ATP2B2: variants seen among roughly 807,000 people sequenced by gnomAD.
The protein encoded by ATP2B2 is ATPase plasma membrane Ca2+ transporting 2, also known as plasma membrane calcium-transporting ATPase 2.
In ATP2B2, 15 loss-of-function variants were observed where a neutral mutation model predicts 120.0. That is an observed-to-expected ratio of 0.12 (90% CI 0.08 to 0.19). The LOEUF (loss-of-function observed/expected upper bound fraction) is 0.19, where lower values mean the gene tolerates loss of function less well. ATP2B2 is among the 10% of genes least tolerant of loss of function. ATP2B2 has a pLI of 1.00. For missense variants in ATP2B2, 1,045 were observed against 1,719.8 expected (o/e 0.61, Z 6.94); for synonymous variants, 694 against 700.3 (o/e 0.99, Z 0.14).
chr3:10,481,343 A>G (rs2065403770), intron 1 of ATP2B2, among the ~76,000 whole-genome samples: 1 of 150,030 alleles, frequency 6.7e-6, no homozygotes, highest in South Asian at 2.1e-4. Context: ...GCACACCAGC[A>G]TACTCCACCT....
In ATP2B2 at chr3:10,360,093, G is replaced by C. The variant is rs760088594; in HGVS notation, c.1690C>G (p.Gln564Glu). ...PPEKEGALPR[Q>E]VGNKTECGLL... ...CCGCACTCCGTCTTGTTGCCCACCTGCCGAGGCAGGGCGCCCTCCTTCTCT... is the reference window on the plus strand; with the variant it reads ...CCGCACTCCGTCTTGTTGCCCACCTCCCGAGGCAGGGCGCCCTCCTTCTCT... Residue 564 changes from glutamine (Q) to glutamate (E), a missense_variant, in exon 13 of 23, where the codon CAG becomes GAG. Around this residue, in one of 11 missense-constraint regions of ATP2B2, gnomAD observed 343 missense variants for 536.8 expected, o/e 0.64. Coordinates refer to ENST00000360273, the MANE Select transcript of ATP2B2 (RefSeq NM_001001331.4). The C allele has an allele frequency of 5.6e-6, 9 of 1,602,322 alleles. No individual in the cohort carries two copies. The South Asian group carries it at 8.8e-5, about 16-fold the overall frequency.
chr3:10,510,709 T>A (rs942102845), intron 3 of ATP2B2, among the ~76,000 whole-genome samples: 2 of 152,210 alleles, frequency 1.3e-5, no homozygotes, highest in Non-Finnish European at 2.9e-5. Flanking sequence ...GTGCCTTTCC[T>A]CCTGGAAGAA....
At chr3:10,695,587 G>T (rs1344275725) in intron 1 of ATP2B2, among the ~76,000 whole-genome samples, 1 of 152,126 alleles carries the variant, frequency 6.6e-6, no homozygotes, top group South Asian at 2.1e-4. Flanking sequence ...ATAGAGTAAA[G>T]GAGAGTTGTC....
chr3:10,545,567 A>G (rs2067528063), intron 2 of ATP2B2, among the ~76,000 whole-genome samples: 1 of 151,948 alleles, frequency 6.6e-6, no homozygotes, highest in Non-Finnish European at 1.5e-5. Flanking sequence ...ATAAAAACAA[A>G]ACAAAATTTA....
Position 10,402,006 on chromosome 3 carries a change from A to C in ATP2B2, c.655+85T>G. The C allele has an allele frequency of 6.3e-7, 1 of 1,596,592 alleles. No individual in the cohort carries two copies. ...CTTCAGGAATGCATCCCCTTCCTTGAGCCAATCTCTTTGCATCAGCCTGGC... is the reference window on the plus strand; with the variant it reads ...CTTCAGGAATGCATCCCCTTCCTTGCGCCAATCTCTTTGCATCAGCCTGGC... On this transcript the variant is annotated intron_variant, in intron 4 of 22. Coordinates refer to ENST00000360273, the MANE Select transcript of ATP2B2 (RefSeq NM_001001331.4). The surrounding 1 kb of genome is among the most constrained non-coding windows in gnomAD (Gnocchi z 4.9).
intron 15 of ATP2B2, 24 bp downstream of exon 15, chr3:10,350,374 G>A (rs371966675): frequency 1.9e-6 from 3 of 1,614,150 alleles, no homozygotes; most frequent in Non-Finnish European, 2.5e-6. Context: ...TTCCCCTGAG[G>A]ATGCTTTACG....
At chr3:10,519,278 G>T (rs537069271) in intron 3 of ATP2B2, among the ~76,000 whole-genome samples, 11 of 152,176 alleles carry the variant, frequency 7.2e-5, no homozygotes, top group Non-Finnish European at 1.0e-4. Context: ...TGCCTTTGGG[G>T]TCCCCTGAAT....
chr3:10,695,220 A>G (rs1575631254), intron 1 of ATP2B2, among the ~76,000 whole-genome samples: 1 of 145,160 alleles, frequency 6.9e-6, no homozygotes, highest in Admixed American at 6.8e-5. Context: ...CACATCTTAC[A>G]TGGATGGTAG....
At chr3:10,623,076 T>TTC (rs2069596423) in intron 1 of ATP2B2, among the ~76,000 whole-genome samples, 1 of 146,842 alleles carries the variant, frequency 6.8e-6, no homozygotes, top group African/African-American at 2.6e-5. Context: ...TTTTTTTTTT[T>TTC]CCCTGAGGAA....
chr3:10,449,654 G>A lies in ATP2B2; in HGVS notation c.-111C>T. The A allele has an allele frequency of 7.2e-7, 1 of 1,386,506 alleles. No homozygotes were observed. The highest frequency in any genetic ancestry group is 1.0e-6 in the Non-Finnish European group (1 of 985,030). The allele number at this position is 1,386,506 out of a possible 1,614,324, so 85.9% of individuals were successfully genotyped here. The stretch of plus-strand genomic sequence containing the variant: ...CAGCACACCCTCACTGGTCAGCTGT[G>A]GCACCAGGCGGCCGACTCCGGGTCC... On this transcript the variant is annotated 5_prime_UTR_variant, in exon 2 of 23. Coordinates refer to ENST00000360273, the MANE Select transcript of ATP2B2 (RefSeq NM_001001331.4).
chr3:10,562,311 A>T (rs1318217418), intron 2 of ATP2B2, among the ~76,000 whole-genome samples: 1 of 152,156 alleles, frequency 6.6e-6, no homozygotes, highest in East Asian at 1.9e-4. Context: ...TGGTACGAGG[A>T]GGAACAGTGA....
At chr3:10,636,586 G>GA (rs1305825820) in intron 1 of ATP2B2, among the ~76,000 whole-genome samples, 6 of 152,040 alleles carry the variant, frequency 3.9e-5, no homozygotes, top group South Asian at 2.1e-4. Flanking sequence ...TGCAAAAAAT[G>GA]AAAAAAATGA....
At chr3:10,423,344 C>T (rs975184375) in intron 2 of ATP2B2, among the ~76,000 whole-genome samples, 31 of 152,296 alleles carry the variant, frequency 2.0e-4, no homozygotes, top group Non-Finnish European at 7.4e-5. Flanking sequence ...CCCAGAGACG[C>T]GGAAGCGACT....
chr3:10,576,320 C>T (rs2068245939), intron 2 of ATP2B2, among the ~76,000 whole-genome samples: 1 of 152,252 alleles, frequency 6.6e-6, no homozygotes, highest in Non-Finnish European at 1.5e-5. Context: ...TCCCTTCTCA[C>T]TCAGGCTGCT....
chr3:10,461,430 G>A (rs560162585), intron 1 of ATP2B2, among the ~76,000 whole-genome samples: 35 of 152,348 alleles, frequency 2.3e-4, no homozygotes, highest in Non-Finnish European at 3.5e-4. Flanking sequence ...CTGAGAGCAC[G>A]TGGGGATAAG....
At chr3:10,706,087 G>A (rs932094913) in intron 1 of ATP2B2, among the ~76,000 whole-genome samples, 6 of 152,184 alleles carry the variant, frequency 3.9e-5, no homozygotes, top group African/African-American at 1.4e-4. Flanking sequence ...CTTGCACCTG[G>A]TAGGAGCTTG....
chr3:10,397,434 C>T (rs2062074735), intron 5 of ATP2B2, among the ~76,000 whole-genome samples: 1 of 152,162 alleles, frequency 6.6e-6, no homozygotes, highest in African/African-American at 2.4e-5. Flanking sequence ...GTGCAAAACT[C>T]AAACACCATG....
chr3:10,359,124 C>A (rs1476421923), intron 13 of ATP2B2, among the ~76,000 whole-genome samples, 199 bp from the exon 14 acceptor site: 7 of 152,172 alleles, frequency 4.6e-5, no homozygotes, highest in Non-Finnish European at 7.4e-5. Context: ...CGGAGCCCCA[C>A]TTTGATGTAT....
At chr3:10,703,102 G>A (rs1332586060) in intron 1 of ATP2B2, among the ~76,000 whole-genome samples, 3 of 152,172 alleles carry the variant, frequency 2.0e-5, no homozygotes, top group Admixed American at 1.3e-4. Context: ...CCAGTCCTCC[G>A]TCATTCTTCA....
Sources: gnomAD v4.1 joint callset for allele counts (sites outside exome capture counted in the v4.1 genomes callset) on GRCh38, gnomAD v4.1.1 for gene constraint, gnomAD v4.1.1 regional missense constraint, Gnocchi (gnomAD v3.1) non-coding constraint, MANE v1.5 for transcripts, NCBI Gene and HGNC (gene_info 2026-07-23, HGNC 2026-07-21) for gene names.